FHIT: variants seen among roughly 807,000 people sequenced by gnomAD.
FHIT encodes fragile histidine triad diadenosine triphosphatase.
Under a neutral mutation model 17.9 loss-of-function variants are expected in FHIT, and 19 were observed. The ratio of observed to expected loss-of-function variants is 1.06; its 90% CI spans 0.74 to 1.56. The LOEUF is 1.56. Ranked by LOEUF, FHIT falls within the 40% of genes most tolerant of loss-of-function variation. The pLI is 0.00. For missense variants in FHIT, 248 were observed against 189.2 expected, an observed-to-expected ratio of 1.31 and a Z score of -1.82; for synonymous variants, 81 against 69.7, an observed-to-expected ratio of 1.16 and a Z score of -0.81.
chr3:61,123,304 G>A (rs1041649465), intron 2 of FHIT, among the ~76,000 whole-genome samples: 1 of 152,098 alleles, frequency 6.6e-6, no homozygotes, highest in Non-Finnish European at 1.5e-5. Flanking sequence ...TGAACAATGA[G>A]AACACATGGA....
intron 5 of FHIT, among the ~76,000 whole-genome samples, chr3:60,508,877 A>G (rs1207822499): frequency 1.3e-5 from 2 of 152,080 alleles, no homozygotes; most frequent in Non-Finnish European, 2.9e-5. Flanking sequence ...AAATTCCTAT[A>G]TATTTGGTTT....
At chr3:60,062,601 G>A (rs1391856908) in intron 5 of FHIT, among the ~76,000 whole-genome samples, 1 of 152,150 alleles carries the variant, frequency 6.6e-6, no homozygotes, top group East Asian at 1.9e-4. Flanking sequence ...TTCTACTGAA[G>A]TGCTGGATTT....
intron 7 of FHIT, among the ~76,000 whole-genome samples, chr3:59,925,544 G>T (rs898553722): frequency 1.1e-4 from 17 of 152,080 alleles, no homozygotes; most frequent in African/African-American, 1.9e-4. Context: ...AACCTCCAGG[G>T]TCCAGGTCTA....
At chr3:60,184,518 CAAAGAT>C (rs1170872056) in intron 5 of FHIT, among the ~76,000 whole-genome samples, 3 of 151,964 alleles carry the variant, frequency 2.0e-5, no homozygotes, top group Non-Finnish European at 4.4e-5. Context: ...AGGAACACCA[CAAAGAT>C]AAAGTGCCAT....
At chr3:60,310,814 G>T (rs76016854) in intron 5 of FHIT, among the ~76,000 whole-genome samples, 3 of 152,082 alleles carry the variant, frequency 2.0e-5, no homozygotes, top group African/African-American at 7.2e-5. Context: ...GAGTACAGGG[G>T]ACAACTGTGT....
chr3:60,293,310 T>C (rs1415541461), intron 5 of FHIT, among the ~76,000 whole-genome samples: 3 of 152,112 alleles, frequency 2.0e-5, no homozygotes, highest in African/African-American at 7.2e-5. Flanking sequence ...ATGTCTTACT[T>C]GCACTTTTCC....
chr3:60,131,632 CCTT>C (rs1298038658), intron 5 of FHIT, among the ~76,000 whole-genome samples: 7 of 152,228 alleles, frequency 4.6e-5, no homozygotes, highest in East Asian at 1.9e-4. Flanking sequence ...AGATATGTCT[CCTT>C]CTCTTTTGCC....
chr3:61,140,807 A>G (rs1349346080), intron 2 of FHIT, among the ~76,000 whole-genome samples: 2 of 152,236 alleles, frequency 1.3e-5, no homozygotes, highest in Non-Finnish European at 2.9e-5. Context: ...AGTATTTTAC[A>G]TTGAGACACT....
intron 7 of FHIT, among the ~76,000 whole-genome samples, chr3:59,998,323 G>A (rs1479463893): frequency 2.6e-5 from 4 of 151,982 alleles, no homozygotes; most frequent in Non-Finnish European, 2.9e-5. Context: ...CAGGCAGCCC[G>A]ACTTCAGGTT....
chr3:60,124,056 A>G (rs1302075032), intron 5 of FHIT, among the ~76,000 whole-genome samples: 1 of 117,338 alleles, frequency 8.5e-6, no homozygotes, highest in African/African-American at 3.2e-5. Context: ...AGAGAGAGAG[A>G]CAGAGAGAGA....
At chr3:60,602,243 ATCAAGGATAAAACTAGAGCTGT>A (rs1184315187) in intron 4 of FHIT, among the ~76,000 whole-genome samples, 7 of 152,246 alleles carry the variant, frequency 4.6e-5, no homozygotes, top group Non-Finnish European at 8.8e-5. Context: ...GCTATTACAC[ATCAAGGATAAAACTAGAGCTGT>A]TCAAACATCT....
chr3:60,569,755 A>ATATATATATATATATATTT, intron 4 of FHIT, among the ~76,000 whole-genome samples: 37 of 77,324 alleles, frequency 4.8e-4, no homozygotes, highest in African/African-American at 1.6e-3. Flanking sequence ...ATATATATAT[A>ATATATATATATATATATTT]TTTTTTTTTT....
At chr3:60,752,700 G>C (rs2042493441) in intron 4 of FHIT, among the ~76,000 whole-genome samples, 1 of 152,072 alleles carries the variant, frequency 6.6e-6, no homozygotes, top group Non-Finnish European at 1.5e-5. Flanking sequence ...TTGGTGTAAG[G>C]CATGTGTGTC....
At chr3:60,364,910 T>C (rs572828837) in intron 5 of FHIT, among the ~76,000 whole-genome samples, 1 of 152,262 alleles carries the variant, frequency 6.6e-6, no homozygotes, top group East Asian at 1.9e-4. Context: ...TTCTTGGACC[T>C]TGGGCCTAAT....
intron 4 of FHIT, among the ~76,000 whole-genome samples, chr3:60,675,991 A>G (rs544111108): frequency 6.6e-5 from 10 of 152,338 alleles, no homozygotes; most frequent in African/African-American, 2.2e-4. Flanking sequence ...CTTTAAATAC[A>G]GATAAACAAT....
intron 4 of FHIT, among the ~76,000 whole-genome samples, chr3:60,590,685 A>C (rs2107694631): frequency 6.6e-6 from 1 of 152,276 alleles, no homozygotes; most frequent in Admixed American, 6.5e-5. Flanking sequence ...TTAGTAAAAT[A>C]AGTCCATCTA....
At chr3:60,001,045 C>G (rs1453675137) in intron 7 of FHIT, among the ~76,000 whole-genome samples, 1 of 152,208 alleles carries the variant, frequency 6.6e-6, no homozygotes, top group South Asian at 2.1e-4. Context: ...AGTGACCACC[C>G]CATCTAAAGT....
chr3:60,860,342 ACAT>A (rs1703643135), intron 3 of FHIT, among the ~76,000 whole-genome samples: 1 of 144,046 alleles, frequency 6.9e-6, no homozygotes, highest in Non-Finnish European at 1.5e-5. Flanking sequence ...TACATGAGAT[ACAT>A]CATATGTATA....
intron 5 of FHIT, among the ~76,000 whole-genome samples, chr3:60,287,783 G>T (rs1707795751): frequency 6.8e-6 from 1 of 147,886 alleles, no homozygotes. Context: ...CTCTGTGCAG[G>T]TAAGCTGAGG....
Sources: allele counts gnomAD v4.1 joint callset (sites outside exome capture counted in the v4.1 genomes callset), GRCh38; gene constraint gnomAD v4.1.1; transcripts MANE v1.5; gene names NCBI Gene and HGNC (gene_info 2026-07-23, HGNC 2026-07-21).